The following ACOXL variants were observed in gnomAD, a reference collection of about 807,000 sequenced individuals.
ACOXL encodes the protein acyl-CoA oxidase like.
A neutral mutation model predicts 71.9 loss-of-function variants in ACOXL; 70 were observed. The ratio of observed to expected loss-of-function variants is 0.97; its 90% CI spans 0.80 to 1.19. The LOEUF is 1.19. ACOXL is among the 50% of genes most tolerant of loss of function. The pLI, the probability that ACOXL is intolerant of heterozygous loss-of-function variation, is 0.00. For synonymous variants in ACOXL, 253 were observed against 281.6 expected, an observed-to-expected ratio of 0.90 and a Z score of 1.02; for missense variants, 703 against 736.3, an observed-to-expected ratio of 0.95 and a Z score of 0.52.
At chr2:110,993,524 C>A (rs2063266823) in intron 13 of ACOXL, among the ~76,000 whole-genome samples, 1 of 152,190 alleles carries the variant, frequency 6.6e-6, no homozygotes, top group Non-Finnish European at 1.5e-5. Flanking sequence ...GAATCATTCT[C>A]TTATGGATGA....
Position 111,117,643 on chromosome 2 carries a change from G to A in ACOXL, c.1570G>A (p.Asp524Asn). The change falls in exon 18 of 18, where the codon GAT (aspartate) becomes AAT (asparagine). Residue 524 changes from aspartate (D) to asparagine (N), a missense_variant. Transcript: ENST00000439055. ...QLLDLCDSVK[D>N]DARRVISTFN... is the part of the protein sequence containing the mutation. ...GCTGGATTTGTGCGACTCGGTGAAG[G>A]ATGATGCCCGGAGGGTGATCTCGAC... The A allele has an allele frequency of 2.6e-6, 4 of 1,551,768 alleles. No homozygotes were observed. The highest frequency in any genetic ancestry group is 3.5e-6 in the Non-Finnish European group (4 of 1,147,010).
intron 15 of ACOXL, among the ~76,000 whole-genome samples, chr2:111,042,543 G>A (rs2065833120): frequency 6.6e-6 from 1 of 152,272 alleles, no homozygotes; most frequent in Admixed American, 6.5e-5. Flanking sequence ...AGTGGAGGTG[G>A]CAGAGTGAAG....
intron 14 of ACOXL, among the ~76,000 whole-genome samples, chr2:111,025,996 A>C (rs1462506307): frequency 6.6e-6 from 1 of 152,116 alleles, no homozygotes; most frequent in Non-Finnish European, 1.5e-5. Context: ...CAATTGTTTT[A>C]GTGCCATTTG....
At chr2:110,999,384 A>G (rs758443791) in intron 14 of ACOXL, among the ~76,000 whole-genome samples, 4 of 152,146 alleles carry the variant, frequency 2.6e-5, no homozygotes, top group Admixed American at 1.3e-4. Flanking sequence ...TGGGACATCA[A>G]TGTTTGAATT....
intron 14 of ACOXL, among the ~76,000 whole-genome samples, chr2:111,004,718 A>G (rs2063791750): frequency 6.6e-6 from 1 of 152,226 alleles, no homozygotes; most frequent in African/African-American, 2.4e-5. Context: ...GACCAATAGG[A>G]TGTCCACCAA....
intron 9 of ACOXL, among the ~76,000 whole-genome samples, chr2:110,829,192 C>T (rs573632855): frequency 1.2e-4 from 19 of 152,284 alleles, no homozygotes; most frequent in Admixed American, 2.6e-4. Context: ...TGTTATATTT[C>T]GTTGTTTCGT....
chr2:111,022,001 G>A (rs2064783304), intron 14 of ACOXL, among the ~76,000 whole-genome samples: 1 of 152,126 alleles, frequency 6.6e-6, no homozygotes, highest in South Asian at 2.1e-4. Flanking sequence ...CTAGACCAGA[G>A]AGAGAGAGAT....
chr2:111,097,381 A>G (rs1267746077), intron 17 of ACOXL, among the ~76,000 whole-genome samples: 2 of 152,224 alleles, frequency 1.3e-5, no homozygotes, highest in Non-Finnish European at 2.9e-5. Context: ...AACTCACTCA[A>G]AGTAACACAG....
At chr2:111,110,742 T>C (rs144000081) in intron 17 of ACOXL, among the ~76,000 whole-genome samples, 33 of 152,378 alleles carry the variant, frequency 2.2e-4, no homozygotes, top group Non-Finnish European at 3.5e-4. Context: ...TACTTTCTTA[T>C]GTATAGTGCT....
chr2:110,909,472 C>G (rs2059576848), intron 11 of ACOXL, among the ~76,000 whole-genome samples: 2 of 152,064 alleles, frequency 1.3e-5, no homozygotes, highest in Non-Finnish European at 2.9e-5. Context: ...TTATCATCAT[C>G]CCCGCATTAT....
intron 10 of ACOXL, among the ~76,000 whole-genome samples, chr2:110,906,124 T>C (rs1452011276): frequency 1.3e-5 from 2 of 152,234 alleles, no homozygotes; most frequent in Non-Finnish European, 2.9e-5. Context: ...CTTTGCTTTT[T>C]TTGCATTTCC....
intron 14 of ACOXL, among the ~76,000 whole-genome samples, chr2:110,998,847 A>G (rs183188403): frequency 6.6e-6 from 1 of 152,356 alleles, no homozygotes; most frequent in East Asian, 1.9e-4. Context: ...CCTCCTAGTA[A>G]AAGCACAGAC....
At chr2:110,741,270 C>T (rs574793263) in intron 1 of ACOXL, among the ~76,000 whole-genome samples, 13 of 152,170 alleles carry the variant, frequency 8.5e-5, no homozygotes, top group Middle Eastern at 3.4e-3. Context: ...CTCAGAGTTC[C>T]GGAGGCTGAG....
chr2:110,793,130 G>C (rs1380349652), intron 3 of ACOXL, among the ~76,000 whole-genome samples: 3 of 152,188 alleles, frequency 2.0e-5, no homozygotes, highest in Non-Finnish European at 4.4e-5. Context: ...ATTTGTCCAA[G>C]ATCCTGCAGC....
Position 111,117,925 on chromosome 2 carries a change from C to G in ACOXL, c.*109C>G. ...GGGGCTGGCACCCGCTGGGCCGCCA[C>G]TCTCGGGGATTTTGGTGGCAAAGCG... On this transcript the variant is annotated 3_prime_UTR_variant, in exon 18 of 18. Transcript: ENST00000439055. 1 of 1,304,632 alleles carries G rather than the reference C, an allele frequency of 7.7e-7. No homozygotes were observed. The highest frequency in any genetic ancestry group is 1.0e-6 in the Non-Finnish European group (1 of 974,472). 80.8% of individuals were successfully genotyped at this position (1,304,632 alleles called of 1,614,324 possible). A position where few individuals can be genotyped will look rare whatever the true frequency, so the allele number is the denominator to read the frequency against.
At chr2:110,854,810 G>A (rs188987325) in intron 10 of ACOXL, among the ~76,000 whole-genome samples, 43 of 152,296 alleles carry the variant, frequency 2.8e-4, no homozygotes, top group African/African-American at 1.0e-3. Flanking sequence ...GGAGACAGTG[G>A]CCCCTGTCCT....
chr2:111,086,243 G>C (rs904686017), intron 16 of ACOXL, among the ~76,000 whole-genome samples: 1 of 152,128 alleles, frequency 6.6e-6, no homozygotes, highest in Non-Finnish European at 1.5e-5. Flanking sequence ...ACCAAAGCCT[G>C]GCAGGGACAC....
intron 11 of ACOXL, among the ~76,000 whole-genome samples, chr2:110,919,871 T>C (rs2060003658): frequency 6.6e-6 from 1 of 152,242 alleles, no homozygotes; most frequent in African/African-American, 2.4e-5. Flanking sequence ...TTCATCCATG[T>C]CATTGTGTGA....
intron 17 of ACOXL, chr2:111,115,712 G>A (rs2070303293): frequency 6.6e-6 from 1 of 152,158 alleles, no homozygotes; most frequent in Admixed American, 6.5e-5. Flanking sequence ...AATGGAGAAG[G>A]CTAGAAGGAG....
Sources: gnomAD v4.1 joint callset for allele counts (sites outside exome capture counted in the v4.1 genomes callset) on GRCh38, gnomAD v4.1.1 for gene constraint, MANE v1.5 for transcripts, NCBI Gene and HGNC (gene_info 2026-07-23, HGNC 2026-07-21) for gene names.